The following PIK3C2G variants were observed in gnomAD, a reference collection of about 807,000 sequenced individuals.
PIK3C2G encodes the protein phosphatidylinositol-4-phosphate 3-kinase catalytic subunit type 2 gamma, also known as phosphatidylinositol 3-kinase C2 domain-containing subunit gamma.
Under a neutral mutation model 181.1 loss-of-function variants are expected in PIK3C2G, and 168 were observed. The ratio of observed to expected loss-of-function variants is 0.93; its 90% confidence interval spans 0.82 to 1.05. PIK3C2G has a LOEUF of 1.05. Among genes scored for constraint, PIK3C2G ranks in the 50% least tolerant of loss-of-function variants. The pLI is 0.00. For missense variants in PIK3C2G, 1,869 were observed against 1,732.8 expected (o/e 1.08, Z -1.40); for synonymous variants, 573 against 592.2 (o/e 0.97, Z 0.47).
At chr12:18,695,946 A>G in the PIK3C2G span, among the ~76,000 whole-genome samples, 6 of 151,872 alleles carry the variant, frequency 4.0e-5, no homozygotes, top group African/African-American at 1.5e-4. Flanking sequence ...TCCCCAAACC[A>G]TCACTGAGAT....
At chr12:18,598,187 C>G (rs1947484445) in intron 30 of PIK3C2G, among the ~76,000 whole-genome samples, 1 of 151,918 alleles carries the variant, frequency 6.6e-6, no homozygotes, top group Non-Finnish European at 1.5e-5. Flanking sequence ...GCCCGCGTTG[C>G]CAAGTCAATC....
the PIK3C2G span, among the ~76,000 whole-genome samples, chr12:18,660,465 A>C: frequency 6.6e-6 from 1 of 152,134 alleles, no homozygotes; most frequent in African/African-American, 2.4e-5. Flanking sequence ...CGGCACCTTT[A>C]GTTTTTCTCC....
chr12:18,550,834 TG>T (rs1235852536), intron 26 of PIK3C2G, among the ~76,000 whole-genome samples: 3 of 152,048 alleles, frequency 2.0e-5, no homozygotes, highest in Non-Finnish European at 2.9e-5. Flanking sequence ...ACATAACATA[TG>T]TGGCTACTTT....
the PIK3C2G span, chr12:18,684,163 G>T: frequency 3.1e-6 from 5 of 1,611,812 alleles, no homozygotes; most frequent in Non-Finnish European, 4.2e-6. Flanking sequence ...AAAGTATATT[G>T]CCCAAGAAAT....
At chr12:18,403,942 C>G (rs1354650835) in intron 16 of PIK3C2G, among the ~76,000 whole-genome samples, 1 of 152,044 alleles carries the variant, frequency 6.6e-6, no homozygotes, top group Admixed American at 6.6e-5. Context: ...AAAGTCAGTT[C>G]AAGGAAAGTA....
intron 13 of PIK3C2G, among the ~76,000 whole-genome samples, chr12:18,375,468 T>G (rs1221977845): frequency 3.9e-5 from 6 of 152,172 alleles, no homozygotes; most frequent in Non-Finnish European, 8.8e-5. Context: ...CATCTCAGAT[T>G]CAGGAGTGAA....
chr12:18,533,923 T>A lies in PIK3C2G; in HGVS notation c.3324-4233T>A, dbSNP rs542070835. 1.3e-3 allele frequency among the ~76,000 whole-genome samples: 198 copies of A among 150,966 alleles called. 4 individuals are homozygous for A. The South Asian group carries it at 0.039, about 30-fold the overall frequency. On this transcript the variant is annotated intron_variant, in intron 24 of 32. Coordinates refer to ENST00000538779, the MANE Select transcript of PIK3C2G (RefSeq NM_001288772.2). Reference sequence around the variant, plus strand: ...TGTGAAAGTAATAAACAGCAAACTATTAATTGTCCTGCTATTTCTTTTTTT... The same window carrying A: ...TGTGAAAGTAATAAACAGCAAACTAATAATTGTCCTGCTATTTCTTTTTTT...
chr12:18,340,986 C>A (rs1207830708), intron 9 of PIK3C2G, among the ~76,000 whole-genome samples: 1 of 152,104 alleles, frequency 6.6e-6, no homozygotes, highest in African/African-American at 2.4e-5. Context: ...TGAACCACTG[C>A]CAGAGGAGGA....
chr12:18,494,397 T>G (rs557070644), intron 20 of PIK3C2G, among the ~76,000 whole-genome samples: 3 of 152,222 alleles, frequency 2.0e-5, no homozygotes, highest in South Asian at 2.1e-4. Flanking sequence ...TGTGTGTGTG[T>G]GGGTGGGTGT....
the PIK3C2G span, chr12:18,683,662 G>A: frequency 7.7e-7 from 1 of 1,299,222 alleles, no homozygotes; most frequent in Non-Finnish European, 1.0e-6. Context: ...TTGAGACAAG[G>A]TAATTGGGAG....
chr12:18,616,087 G>C (rs552100908), intron 31 of PIK3C2G, among the ~76,000 whole-genome samples: 2 of 152,048 alleles, frequency 1.3e-5, no homozygotes, highest in Admixed American at 6.6e-5. Context: ...TCTAGGCTTA[G>C]GTCAAATTGC....
chr12:18,566,737 TAA>T (rs1374132210), intron 28 of PIK3C2G, among the ~76,000 whole-genome samples: 1 of 152,104 alleles, frequency 6.6e-6, no homozygotes, highest in African/African-American at 2.4e-5. Flanking sequence ...CAAATTAAAT[TAA>T]GTTAGTATTA....
intron 8 of PIK3C2G, among the ~76,000 whole-genome samples, chr12:18,335,918 C>A (rs1938486598): frequency 6.6e-6 from 1 of 151,966 alleles, no homozygotes; most frequent in Non-Finnish European, 1.5e-5. Flanking sequence ...CCTAGTGACC[C>A]AAGTCAACCC....
Position 18,293,990 on chromosome 12 carries a change from T to G in PIK3C2G, c.1009T>G (p.Cys337Gly), listed in dbSNP as rs181944955. Residue 337 changes from cysteine to glycine, a missense_variant, in exon 5 of 33, where the codon TGT (cysteine) becomes GGT (glycine). By Grantham distance (159) the Cys-to-Gly change is radical. Coordinates refer to ENST00000538779, the MANE Select transcript of PIK3C2G (RefSeq NM_001288772.2). ...LLPKDHILSVCGSEEFLQNDH... is the reference protein window; with the variant it reads ...LLPKDHILSVGGSEEFLQNDH... ...CCCCAAAGATCATATTCTAAGTGTA[T>G]GTGGCTCTGAAGAATTTTTACAAAA... is the stretch of plus-strand genomic sequence containing the variant. The G allele has an allele frequency of 6.1e-4, 960 of 1,579,996 alleles. 5 individuals are homozygous for G. In the African/African-American group the frequency reaches 0.012, roughly 19 times the overall value.
intron 28 of PIK3C2G, among the ~76,000 whole-genome samples, chr12:18,566,398 T>A (rs766182405): frequency 8.5e-5 from 13 of 152,166 alleles, no homozygotes; most frequent in African/African-American, 1.2e-4. Flanking sequence ...TAATAATTGG[T>A]CTTAATGAAG....
At chr12:18,394,522 C>T (rs1219556122) in intron 15 of PIK3C2G, among the ~76,000 whole-genome samples, 1 of 151,712 alleles carries the variant, frequency 6.6e-6, no homozygotes, top group Non-Finnish European at 1.5e-5. Context: ...TTTAAATTAG[C>T]AAATAATTAT....
intron 31 of PIK3C2G, among the ~76,000 whole-genome samples, chr12:18,626,243 G>A (rs188701333): frequency 1.7e-3 from 257 of 151,402 alleles, no homozygotes; most frequent in African/African-American, 5.4e-3. Flanking sequence ...AATATCTTTC[G>A]CTTACAACAG....
At chr12:18,328,521 C>T (rs1331619185) in intron 8 of PIK3C2G, among the ~76,000 whole-genome samples, 1 of 151,970 alleles carries the variant, frequency 6.6e-6, no homozygotes, top group African/African-American at 2.4e-5. Flanking sequence ...TCAAACATAA[C>T]TTAAGCCTAA....
intron 19 of PIK3C2G, among the ~76,000 whole-genome samples, chr12:18,489,657 T>C (rs1363448714): frequency 2.0e-5 from 3 of 151,978 alleles, no homozygotes; most frequent in East Asian, 1.9e-4. Flanking sequence ...GGATAAGCAA[T>C]GCAAAAAAAA....
Sources: gnomAD v4.1 joint callset for allele counts (sites outside exome capture counted in the v4.1 genomes callset) on GRCh38, gnomAD v4.1.1 for gene constraint, MANE v1.5 for transcripts, NCBI Gene and HGNC (gene_info 2026-07-23, HGNC 2026-07-21) for gene names.